Variants in PPP1R9A observed in about 807,000 individuals in gnomAD.
The protein encoded by PPP1R9A is neurabin-1.
Under a neutral mutation model 141.9 loss-of-function variants are expected in PPP1R9A, and 59 were observed. The observed-to-expected ratio is 0.42, with a 90% CI of 0.34 to 0.52. The LOEUF (loss-of-function observed/expected upper bound fraction) is 0.52. Among genes scored for constraint, PPP1R9A ranks in the 20% least tolerant of loss-of-function variants. The pLI, the probability that PPP1R9A is intolerant of heterozygous loss-of-function variation, is 0.10. For synonymous variants in PPP1R9A, 500 were observed against 569.7 expected, an observed-to-expected ratio of 0.88 and a Z score of 1.74; for missense variants, 1,444 against 1,611.9, an observed-to-expected ratio of 0.90 and a Z score of 1.78.
chr7:94,976,498 G>T (rs962616579), intron 2 of PPP1R9A, among the ~76,000 whole-genome samples: 1 of 151,866 alleles, frequency 6.6e-6, no homozygotes, highest in Non-Finnish European at 1.5e-5. Flanking sequence ...GTGCCACCAC[G>T]TCTGGCTAAT....
At position 95,203,747 on chromosome 7, in the gene PPP1R9A, A is replaced by G. The variant is rs1170118758; in HGVS notation, c.1956+17A>G. ...TTTCTTAAGGTTTGTTTTTTGGTTT[A>G]AAGTAATGCTTACCTGTACTTTCCT... On this transcript the variant is annotated intron_variant, in intron 7 of 19. Coordinates refer to ENST00000433360, the MANE Select transcript of PPP1R9A (RefSeq NM_001166160.2). 6.6e-7 allele frequency: 1 copy of G among 1,504,152 alleles called. No individual in the cohort carries two copies. The highest frequency in any genetic ancestry group is 2.0e-5 in the Admixed American group (1 of 50,664). The allele number at this position is 1,504,152 out of a possible 1,614,324, so 93.2% of individuals were successfully genotyped here.
chr7:95,290,074 G>A lies in PPP1R9A; in HGVS notation c.3913-17G>A, dbSNP rs775882492. On this transcript the variant is annotated splice_polypyrimidine_tract_variant and intron_variant, in intron 19 of 19. Coordinates refer to ENST00000433360, the MANE Select transcript of PPP1R9A (RefSeq NM_001166160.2). Reference sequence around the variant, plus strand: ...ATTGGTTTTCAAATTCAGTTTGTGTGTGTGTTTCTTTCTTAGGCTCTTGGA... The same window carrying A: ...ATTGGTTTTCAAATTCAGTTTGTGTATGTGTTTCTTTCTTAGGCTCTTGGA... 2 of 1,611,554 alleles carry A rather than the reference G, an allele frequency of 1.2e-6. No individual in the cohort carries two copies. The highest frequency in any genetic ancestry group is 3.4e-5 in the Admixed American group (2 of 59,318).
In PPP1R9A at chr7:95,261,023, C is replaced by T. The variant is rs1263551531; in HGVS notation, c.2666-7527C>T. Among the ~76,000 whole-genome samples, 3 of 152,194 alleles carry T rather than the reference C, an allele frequency of 2.0e-5. No homozygotes were observed. The East Asian group carries it at 5.8e-4, about 29-fold the overall frequency. ...TTCTAATTATAGATTAAATAATAAC[C>T]ATATAGCTATGCTAAGATAAAATTG... On this transcript the variant is annotated intron_variant, in intron 12 of 19. Transcript: ENST00000433360.
rs1161233319 is a variant in PPP1R9A, at chr7:95,219,969, CAGTT to C, written c.1957-5989_1957-5986del. ...AATCATAATCATAACGTCATGCAGT[CAGTT>C]AGCATATTCTAGGCACTGTGGTTAA... On this transcript the variant is annotated intron_variant, in intron 7 of 19. Transcript: ENST00000433360. Among the ~76,000 whole-genome samples, 4 of 152,218 alleles carry C rather than the reference CAGTT, an allele frequency of 2.6e-5. No homozygotes were observed. The South Asian group carries it at 8.3e-4, about 32-fold the overall frequency.
At chr7:95,000,143 A>AT (rs1476676601) in intron 2 of PPP1R9A, among the ~76,000 whole-genome samples, 1 of 152,072 alleles carries the variant, frequency 6.6e-6, no homozygotes. Flanking sequence ...TGCAGTTCTG[A>AT]TGTAGTTCTT....
intron 7 of PPP1R9A, among the ~76,000 whole-genome samples, chr7:95,224,844 A>G (rs1375167385): frequency 6.6e-6 from 1 of 152,068 alleles, no homozygotes; most frequent in Non-Finnish European, 1.5e-5. Context: ...CCGTTCATGG[A>G]AGTTTTTTAA....
chr7:95,105,734 A>G (rs1819422479), intron 2 of PPP1R9A, among the ~76,000 whole-genome samples: 1 of 152,192 alleles, frequency 6.6e-6, no homozygotes, highest in African/African-American at 2.4e-5. Flanking sequence ...TAATAGAACT[A>G]TTGTAAGAAA....
At chr7:95,026,768 A>G (rs539640097) in intron 2 of PPP1R9A, among the ~76,000 whole-genome samples, 3 of 152,108 alleles carry the variant, frequency 2.0e-5, no homozygotes, top group South Asian at 2.1e-4. Flanking sequence ...CCTTTTTTTC[A>G]GAGATACCCT....
intron 2 of PPP1R9A, among the ~76,000 whole-genome samples, chr7:94,928,301 A>G (rs1011934137): frequency 2.6e-5 from 4 of 152,092 alleles, no homozygotes; most frequent in Non-Finnish European, 5.9e-5. Flanking sequence ...AGGGACTTGT[A>G]TACATAGGAG....
intron 4 of PPP1R9A, among the ~76,000 whole-genome samples, chr7:95,147,460 C>T (rs573707288): frequency 6.6e-6 from 1 of 152,150 alleles, no homozygotes; most frequent in Non-Finnish European, 1.5e-5. Flanking sequence ...ATTTGACTTC[C>T]TCTCTTCCTA....
intron 7 of PPP1R9A, among the ~76,000 whole-genome samples, chr7:95,216,914 CA>C (rs1446152975): frequency 2.0e-5 from 3 of 152,158 alleles, no homozygotes; most frequent in African/African-American, 7.2e-5. Context: ...CATCTGCAAA[CA>C]GGGACAATTT....
chr7:95,152,867 C>T (rs1828956050), intron 4 of PPP1R9A, among the ~76,000 whole-genome samples: 1 of 134,680 alleles, frequency 7.4e-6, no homozygotes, highest in Non-Finnish European at 1.5e-5. Context: ...TTCTTTGAGG[C>T]AGAGACAGTC....
chr7:95,012,319 G>C (rs1804539108), intron 2 of PPP1R9A, among the ~76,000 whole-genome samples: 1 of 152,004 alleles, frequency 6.6e-6, no homozygotes. Flanking sequence ...GGGAGGGGAG[G>C]TGCTACACAC....
chr7:95,050,275 A>G (rs1396082637), intron 2 of PPP1R9A, among the ~76,000 whole-genome samples: 1 of 152,208 alleles, frequency 6.6e-6, no homozygotes, highest in African/African-American at 2.4e-5. Flanking sequence ...TACCATGTGT[A>G]TATCTTCATT....
At chr7:94,964,109 A>C (rs1021476583) in intron 2 of PPP1R9A, among the ~76,000 whole-genome samples, 2 of 152,024 alleles carry the variant, frequency 1.3e-5, no homozygotes, top group Admixed American at 1.3e-4. Context: ...CCATTTATGG[A>C]GTTATATTTG....
chr7:94,942,589 A>C (rs1584320449), intron 2 of PPP1R9A, among the ~76,000 whole-genome samples: 1 of 151,988 alleles, frequency 6.6e-6, no homozygotes, highest in Non-Finnish European at 1.5e-5. Flanking sequence ...GATCACCTGA[A>C]GTCAGGAGTT....
intron 2 of PPP1R9A, among the ~76,000 whole-genome samples, chr7:95,089,147 A>G (rs1002037191): frequency 6.6e-6 from 1 of 152,220 alleles, no homozygotes; most frequent in South Asian, 2.1e-4. Context: ...ATTTTCTTAT[A>G]TAGAAAACCA....
intron 2 of PPP1R9A, among the ~76,000 whole-genome samples, chr7:94,981,975 A>ACCCCCCCCCCCCCC (rs990575377): frequency 7.2e-6 from 1 of 139,618 alleles, no homozygotes; most frequent in African/African-American, 2.7e-5. Flanking sequence ...CCCTCCCCCA[A>ACCCCCCCCCCCCCC]CCCCCCACCC....
At chr7:95,030,031 G>A (rs1054667294) in intron 2 of PPP1R9A, among the ~76,000 whole-genome samples, 5 of 152,172 alleles carry the variant, frequency 3.3e-5, no homozygotes, top group Admixed American at 1.3e-4. Context: ...TTCCAAAGAC[G>A]TATATCTCAT....
Sources: allele counts gnomAD v4.1 joint callset (sites outside exome capture counted in the v4.1 genomes callset), GRCh38; gene constraint gnomAD v4.1.1; transcripts MANE v1.5; gene names NCBI Gene and HGNC (gene_info 2026-07-23, HGNC 2026-07-21).